Variants in PARP15 observed in about 807,000 individuals in gnomAD.
The protein encoded by PARP15 is poly(ADP-ribose) polymerase family member 15.
Under a neutral mutation model 62.1 loss-of-function variants are expected in PARP15, and 50 were observed. The observed-to-expected ratio is 0.81, with a 90% confidence interval of 0.64 to 1.02. The LOEUF (loss-of-function observed/expected upper bound fraction) is 1.02. Ranked by LOEUF, PARP15 falls within the 50% of genes least tolerant of loss-of-function variation. The pLI is 0.00. For missense variants in PARP15, 820 were observed against 826.5 expected (o/e 0.99, Z 0.10); for synonymous variants, 309 against 293.1 (o/e 1.05, Z -0.55).
intron 9 of PARP15, among the ~76,000 whole-genome samples, chr3:122,628,270 T>C (rs1429351149): frequency 6.6e-6 from 1 of 152,172 alleles, no homozygotes; most frequent in Non-Finnish European, 1.5e-5. Context: ...TAGGTTATCA[T>C]TGCAGGCAGG....
chr3:122,612,659 C>T (rs2107540946), intron 3 of PARP15, among the ~76,000 whole-genome samples: 1 of 152,120 alleles, frequency 6.6e-6, no homozygotes, highest in South Asian at 2.1e-4. Flanking sequence ...CCAGGATGGT[C>T]TCGATCTCCT....
intron 1 of PARP15, among the ~76,000 whole-genome samples, chr3:122,591,475 T>C (rs1444575367): frequency 6.6e-6 from 1 of 152,088 alleles, no homozygotes; most frequent in African/African-American, 2.4e-5. Flanking sequence ...TTCTTAAAAA[T>C]ATTGGGGCCA....
At chr3:122,598,749 C>A (rs1166521239) in intron 1 of PARP15, among the ~76,000 whole-genome samples, 2 of 152,166 alleles carry the variant, frequency 1.3e-5, no homozygotes, top group Non-Finnish European at 2.9e-5. Flanking sequence ...TGAGAGTGAT[C>A]TTACTTTCAC....
At chr3:122,588,980 G>A (rs1295801981) in intron 1 of PARP15, among the ~76,000 whole-genome samples, 1 of 152,058 alleles carries the variant, frequency 6.6e-6, no homozygotes, top group African/African-American at 2.4e-5. Context: ...CATTCAGTTG[G>A]TGGACATTTG....
In PARP15 at chr3:122,591,985, G is replaced by C. The variant is rs376224079; in HGVS notation, c.187-13951G>C. ...AGAGAAATAAGAATGCTTTTACACT[G>C]TTGGTGGGAATGTAAATTAGTTCAA... On this transcript the variant is annotated intron_variant, in intron 1 of 11. Coordinates refer to ENST00000464300, the MANE Select transcript of PARP15 (RefSeq NM_001113523.3). Among the ~76,000 whole-genome samples the C allele has an allele frequency of 1.2e-4, 18 of 152,254 alleles. No individual in the cohort carries two copies. The East Asian group carries it at 2.9e-3, about 24-fold the overall frequency.
intron 1 of PARP15, among the ~76,000 whole-genome samples, chr3:122,578,089 A>G (rs748399817): frequency 4.8e-5 from 7 of 145,950 alleles, no homozygotes; most frequent in Non-Finnish European, 9.1e-5. Context: ...AAAGTTCTTT[A>G]TAAAGTTTGA....
At chr3:122,634,069 C>T (rs181868973) in intron 10 of PARP15, among the ~76,000 whole-genome samples, 19 of 152,284 alleles carry the variant, frequency 1.2e-4, no homozygotes, top group Admixed American at 1.2e-3. Flanking sequence ...AGCAGAACAA[C>T]TTTCTCACCT....
Position 122,613,061 on chromosome 3 carries a change from G to T in PARP15, c.564G>T (p.Lys188Asn). The change falls in exon 4 of 12, where the codon AAG becomes AAT. Residue 188 changes from lysine (K) to asparagine (N), a missense_variant. Physicochemically the swap from Lys to Asn is moderately conservative, Grantham distance 94. Coordinates refer to ENST00000464300, the MANE Select transcript of PARP15 (RefSeq NM_001113523.3). ...TTCAGATCATGGCAAATATAATCAA[G>T]AAATGTTTGACAACTGTAGAAGTGC... ...TSWQIMANII[K>N]KCLTTVEVLS... 6.4e-7 allele frequency: 1 copy of T among 1,551,660 alleles called. No homozygotes were observed. The highest frequency in any genetic ancestry group is 8.7e-7 in the Non-Finnish European group (1 of 1,146,786).
chr3:122,632,274 C>T, intron 10 of PARP15, 55 bp downstream of exon 10: 1 of 1,531,810 alleles, frequency 6.5e-7, no homozygotes, highest in East Asian at 2.3e-5. Flanking sequence ...AACATAAAAG[C>T]TATCTCTTTT....
chr3:122,605,056 A>G (rs1935067322), intron 1 of PARP15, among the ~76,000 whole-genome samples: 1 of 152,142 alleles, frequency 6.6e-6, no homozygotes, highest in African/African-American at 2.4e-5. Flanking sequence ...AAAGAAAGAA[A>G]GAAAGAAAGT....
At chr3:122,605,888 A>T in intron 1 of PARP15, 48 bp from the exon 2 acceptor site, 1 of 1,539,388 alleles carries the variant, frequency 6.5e-7, no homozygotes, top group Non-Finnish European at 8.8e-7. Flanking sequence ...GCCTAAGAGA[A>T]CTCTTGAAAT....
In PARP15 at chr3:122,612,160, A is replaced by G. The variant is rs113684803; in HGVS notation, c.544-881A>G. On this transcript the variant is annotated intron_variant, in intron 3 of 11. Coordinates refer to ENST00000464300, the MANE Select transcript of PARP15 (RefSeq NM_001113523.3). ...AACCTCCACCTCCTGGGCTCAGGTG[A>G]TCCTCCTACCTCAGCCTCCCGAGTA... Among the ~76,000 whole-genome samples, 577 of 151,432 alleles carry G rather than the reference A, an allele frequency of 3.8e-3. 5 individuals are homozygous for G. The highest frequency in any genetic ancestry group is 0.014 in the African/African-American group (561 of 41,164).
intron 1 of PARP15, among the ~76,000 whole-genome samples, chr3:122,599,867 A>G (rs1378721705): frequency 6.6e-6 from 1 of 152,218 alleles, no homozygotes; most frequent in Admixed American, 6.5e-5. Flanking sequence ...GAACCATTGC[A>G]CCAGGCTTGT....
chr3:122,601,212 TG>T (rs779355288), intron 1 of PARP15, among the ~76,000 whole-genome samples: 2 of 151,806 alleles, frequency 1.3e-5, no homozygotes, highest in African/African-American at 2.4e-5. Context: ...TTAGTAGAGA[TG>T]GGGTTTCACC....
chr3:122,594,448 G>A (rs1288336349), intron 1 of PARP15: 1 of 595,820 alleles, frequency 1.7e-6, no homozygotes, highest in Non-Finnish European at 2.1e-6. Flanking sequence ...TTACAAAGTA[G>A]CTCCATGTCC....
chr3:122,586,867 T>G (rs577491273), intron 1 of PARP15, among the ~76,000 whole-genome samples: 2 of 152,280 alleles, frequency 1.3e-5, no homozygotes, highest in East Asian at 3.9e-4. Flanking sequence ...TTCTGTGGAT[T>G]TTGACAATGT....
At chr3:122,602,614 C>T (rs1532646) in intron 1 of PARP15, among the ~76,000 whole-genome samples, 35,726 of 152,148 alleles carry the variant, frequency 0.23, 8,920 homozygotes, top group African/African-American at 0.63. Flanking sequence ...CAAAATTGTT[C>T]CTAATATTTT....
chr3:122,585,345 T>C (rs1314506784), intron 1 of PARP15, among the ~76,000 whole-genome samples: 1 of 152,204 alleles, frequency 6.6e-6, no homozygotes, highest in Non-Finnish European at 1.5e-5. Flanking sequence ...AGACCTTGTT[T>C]AAATCTGTCT....
intron 1 of PARP15, among the ~76,000 whole-genome samples, chr3:122,581,592 G>A (rs1275562959): frequency 1.3e-5 from 2 of 152,078 alleles, no homozygotes; most frequent in Non-Finnish European, 1.5e-5. Context: ...TTTAAATCAG[G>A]TTTTTGTTGA....
Sources: allele counts gnomAD v4.1 joint callset (sites outside exome capture counted in the v4.1 genomes callset), GRCh38; gene constraint gnomAD v4.1.1; transcripts MANE v1.5; gene names NCBI Gene and HGNC (gene_info 2026-07-23, HGNC 2026-07-21).